WWC2: variants seen among roughly 807,000 people sequenced by gnomAD.
The protein encoded by WWC2 is protein WWC2.
In WWC2, 101 loss-of-function variants were observed where a neutral mutation model predicts 138.5. The observed-to-expected ratio is 0.73, with a 90% CI of 0.62 to 0.86. The LOEUF (loss-of-function observed/expected upper bound fraction) is 0.86. Among genes scored for constraint, WWC2 ranks in the 40% least tolerant of loss-of-function variants. WWC2 has a pLI of 0.00. For synonymous variants in WWC2, 558 were observed against 538.4 expected (o/e 1.04, Z -0.50); for missense variants, 1,420 against 1,419.4 (o/e 1.00, Z -0.01).
At chr4:183,294,457 C>T (rs566293972) in intron 21 of WWC2, among the ~76,000 whole-genome samples, 4 of 152,346 alleles carry the variant, frequency 2.6e-5, no homozygotes, top group African/African-American at 9.6e-5. Flanking sequence ...GAATACAGAG[C>T]TCTCTAGAAA....
At chr4:183,271,695 G>A (rs1419507367) in intron 16 of WWC2, among the ~76,000 whole-genome samples, 2 of 152,124 alleles carry the variant, frequency 1.3e-5, no homozygotes, top group Non-Finnish European at 2.9e-5. Flanking sequence ...ATAGCCATAA[G>A]TATTTTCTAT....
intron 1 of WWC2, among the ~76,000 whole-genome samples, chr4:183,181,664 G>C (rs985138330): frequency 6.6e-6 from 1 of 152,204 alleles, no homozygotes; most frequent in Non-Finnish European, 1.5e-5. Flanking sequence ...TTATGTATTG[G>C]TGAGGCTTCC....
chr4:183,164,225 C>T (rs188171786), intron 1 of WWC2, among the ~76,000 whole-genome samples: 202 of 147,112 alleles, frequency 1.4e-3, no homozygotes, highest in African/African-American at 4.8e-3. Context: ...TATGACTTAA[C>T]GTAGGTCAGT....
chr4:183,257,473 G>A (rs778772105), intron 9 of WWC2, among the ~76,000 whole-genome samples: 1 of 152,170 alleles, frequency 6.6e-6, no homozygotes, highest in African/African-American at 2.4e-5. Context: ...GGGATGTGGA[G>A]CAGATGGGCC....
chr4:183,143,830 A>AAT (rs1192937819), intron 1 of WWC2, among the ~76,000 whole-genome samples: 53 of 152,182 alleles, frequency 3.5e-4, no homozygotes, highest in African/African-American at 1.2e-3. Flanking sequence ...CAAAAAAAAA[A>AAT]ATACACACAA....
intron 1 of WWC2, among the ~76,000 whole-genome samples, chr4:183,123,192 G>A (rs1020960148): frequency 1.4e-4 from 22 of 152,146 alleles, no homozygotes; most frequent in African/African-American, 4.8e-4. Flanking sequence ...TTGCATGTAT[G>A]TTCAAGTAAG....
chr4:183,252,829 C>A (rs768434405), intron 8 of WWC2, among the ~76,000 whole-genome samples: 1 of 152,138 alleles, frequency 6.6e-6, no homozygotes, highest in East Asian at 1.9e-4. Flanking sequence ...GGGAGAAGGC[C>A]AAGCCCTGCC....
At chr4:183,177,657 T>C (rs535279041) in intron 1 of WWC2, among the ~76,000 whole-genome samples, 15 of 152,036 alleles carry the variant, frequency 9.9e-5, no homozygotes, top group African/African-American at 3.6e-4. Context: ...TAGATGATGT[T>C]AGAAAAAAAA....
chr4:183,103,038 G>C (rs969309321), intron 1 of WWC2, among the ~76,000 whole-genome samples: 4 of 152,114 alleles, frequency 2.6e-5, no homozygotes, highest in Non-Finnish European at 4.4e-5. Context: ...TCCTTGGATT[G>C]AATGTTACCC....
At chr4:183,220,864 T>C (rs1240386383) in intron 4 of WWC2, among the ~76,000 whole-genome samples, 1 of 151,772 alleles carries the variant, frequency 6.6e-6, no homozygotes, top group African/African-American at 2.4e-5. Context: ...GGTAACACTT[T>C]TAAGCCAATA....
rs528768738 is a variant in WWC2 at position 183,265,846 on chromosome 4, T to A, written c.2121-19T>A. The A allele has an allele frequency of 1.2e-6, 2 of 1,611,510 alleles. No homozygotes were observed. The highest frequency in any genetic ancestry group is 2.7e-5 in the African/African-American group (2 of 75,030). On this transcript the variant is annotated intron_variant, in intron 13 of 22. Coordinates refer to ENST00000403733, the MANE Select transcript of WWC2 (RefSeq NM_024949.6). ...GGCCTGTGGTGATTCCTGACTTCATTTAGCCTCTCTTTTGACAGATACAAT... is the reference window on the plus strand; with the variant it reads ...GGCCTGTGGTGATTCCTGACTTCATATAGCCTCTCTTTTGACAGATACAAT...
chr4:183,125,043 C>T (rs1732718886), intron 1 of WWC2, among the ~76,000 whole-genome samples: 1 of 152,018 alleles, frequency 6.6e-6, no homozygotes, highest in Admixed American at 6.6e-5. Context: ...TGGAGGGGAC[C>T]CGGGGCTATG....
intron 1 of WWC2, among the ~76,000 whole-genome samples, chr4:183,178,550 C>G (rs911514786): frequency 3.3e-5 from 5 of 151,348 alleles, no homozygotes; most frequent in Admixed American, 2.6e-4. Flanking sequence ...GAGCAAGACC[C>G]CTGAAGTCTT....
rs1736914227 is a variant in WWC2 at position 183,249,775 on chromosome 4, TAA to T, written c.880-144_880-143del. ...TTTTGCCCCTACTGAGACAATAAAA[TAA>T]GTGTCTTTTAAAATTGGTGTTTCCC... On this transcript the variant is annotated intron_variant, in intron 7 of 22. Coordinates refer to ENST00000403733, the MANE Select transcript of WWC2 (RefSeq NM_024949.6). 4 of 620,376 alleles carry T rather than the reference TAA, an allele frequency of 6.4e-6. No homozygotes were observed. In the South Asian group the frequency reaches 9.0e-5, roughly 14 times the overall value. The allele number at this position is 620,376 out of a possible 1,614,324, so 38.4% of individuals were successfully genotyped here.
rs768517080 is a variant in WWC2, at chr4:183,319,783, G to A, written c.*4054G>A. 1 of 1,614,002 alleles carries A rather than the reference G, an allele frequency of 6.2e-7. No homozygotes were observed. Among genetic ancestry groups the A allele is most frequent in the Non-Finnish European group, 8.5e-7 (1 of 1,179,946 alleles). On this transcript the variant is annotated 3_prime_UTR_variant, in exon 23 of 23. Transcript: ENST00000403733. ...GGGACGTTCTCATCCCAGAACTCCTGAACCGTCTTGTGGGCAACCCAAGAG... is the reference window on the plus strand; with the variant it reads ...GGGACGTTCTCATCCCAGAACTCCTAAACCGTCTTGTGGGCAACCCAAGAG...
At chr4:183,277,361 T>G (rs1482744728) in intron 16 of WWC2, among the ~76,000 whole-genome samples, 2 of 151,776 alleles carry the variant, frequency 1.3e-5, no homozygotes, top group East Asian at 3.9e-4. Flanking sequence ...GTGCCACATT[T>G]TCTTAATCCA....
chr4:183,208,281 C>T (rs1735500492), intron 3 of WWC2, 125 bp downstream of exon 3: 1 of 1,049,806 alleles, frequency 9.5e-7, no homozygotes, highest in South Asian at 1.7e-5. Flanking sequence ...AAGAGTCTCT[C>T]AAAACCATTG....
At chr4:183,170,234 T>A (rs1734238978) in intron 1 of WWC2, among the ~76,000 whole-genome samples, 1 of 152,232 alleles carries the variant, frequency 6.6e-6, no homozygotes, top group African/African-American at 2.4e-5. Flanking sequence ...TGATCCATTA[T>A]CTGTCTTAAA....
intron 4 of WWC2, among the ~76,000 whole-genome samples, chr4:183,220,759 G>A (rs1382635232): frequency 8.6e-5 from 13 of 151,826 alleles, no homozygotes; most frequent in East Asian, 1.9e-4. Flanking sequence ...GCGTGAACCC[G>A]GGAGGCGGAG....
Sources: allele counts gnomAD v4.1 joint callset (sites outside exome capture counted in the v4.1 genomes callset), GRCh38; gene constraint gnomAD v4.1.1; transcripts MANE v1.5; gene names NCBI Gene and HGNC (gene_info 2026-07-23, HGNC 2026-07-21).